The following GMNN variants were observed in gnomAD, a reference collection of about 807,000 sequenced individuals.
GMNN encodes geminin.
A neutral mutation model predicts 20.9 loss-of-function variants in GMNN; 14 were observed. The observed-to-expected ratio is 0.67, with a 90% CI of 0.44 to 1.05. The LOEUF is 1.05. GMNN is among the 50% of genes least tolerant of loss of function. The pLI, the probability that GMNN is intolerant of heterozygous loss-of-function variation, is 0.00. For synonymous variants in GMNN, 81 were observed against 85.8 expected (o/e 0.94, Z 0.31); for missense variants, 227 against 243.8 (o/e 0.93, Z 0.46).
At chr6:24,784,790 T>C (rs377450505) in intron 6 of GMNN, among the ~76,000 whole-genome samples, 1 of 152,268 alleles carries the variant, frequency 6.6e-6, no homozygotes, top group South Asian at 2.1e-4. Context: ...AGACTTGTTA[T>C]GAGAATTAAA....
chr6:24,780,630 G>A, intron 2 of GMNN, 33 bp from the exon 3 acceptor site: 1 of 1,201,140 alleles, frequency 8.3e-7, no homozygotes, highest in Non-Finnish European at 1.2e-6. Flanking sequence ...TTGCAACTCA[G>A]TAACAAGATA....
At position 24,781,588 on chromosome 6, in the gene GMNN, G is replaced by A; in HGVS notation, c.241G>A (p.Val81Ile). 6.5e-7 allele frequency: 1 copy of A among 1,545,336 alleles called. No homozygotes were observed. The highest frequency in any genetic ancestry group is 8.8e-7 in the Non-Finnish European group (1 of 1,131,726). Reference protein sequence around the residue: ...ESSENKNLGGVTQESFDLMIK... With the variant: ...ESSENKNLGGITQESFDLMIK... ...TAGTGAAAATAAAAATCTTGGAGGA[G>A]TCACCCAGGAGTCATTTGATCTTAT... The change falls in exon 4 of 7, where the codon GTC becomes ATC. Residue 81 changes from valine to isoleucine, a missense_variant. Val to Ile is a conservative substitution (Grantham distance 29). Transcript: ENST00000230056.
chr6:24,785,621 G>GTAAAATTCA lies in GMNN; in HGVS notation c.469-17_469-16insTAAAATTCA. The GTAAAATTCA allele has an allele frequency of 7.6e-7, 1 of 1,308,730 alleles. No homozygotes were observed. The highest frequency in any genetic ancestry group is 1.1e-6 in the Non-Finnish European group (1 of 926,088). 81.1% of individuals were successfully genotyped at this position (1,308,730 alleles called of 1,614,324 possible). A position where few individuals can be genotyped will look rare whatever the true frequency, so the allele number is the denominator to read the frequency against. Reference sequence around the variant, plus strand: ...TTTAACATTTTTACAATAAATTATTGGTTTATTCTTTAAAAGAGACTGAAT... The same window carrying GTAAAATTCA: ...TTTAACATTTTTACAATAAATTATTGTAAAATTCAGTTTATTCTTTAAAAGAGACTGAAT... On this transcript the variant is annotated splice_polypyrimidine_tract_variant and intron_variant, in intron 6 of 6. Transcript: ENST00000230056.
chr6:24,781,659 TTATGA>T (rs1416133045), intron 4 of GMNN, 38 bp downstream of exon 4: 3 of 1,063,698 alleles, frequency 2.8e-6, no homozygotes, highest in Non-Finnish European at 2.6e-6. Flanking sequence ...TAATTTTAAA[TTATGA>T]TATAAGGAAA....
chr6:24,778,298 A>G (rs1383764909), intron 2 of GMNN, among the ~76,000 whole-genome samples: 1 of 152,106 alleles, frequency 6.6e-6, no homozygotes, highest in Admixed American at 6.6e-5. Context: ...TGAGCTCTGG[A>G]CTTTGAGAAC....
intron 1 of GMNN, chr6:24,775,553 C>T (rs1022370893): frequency 3.9e-5 from 6 of 152,228 alleles, no homozygotes; most frequent in Non-Finnish European, 7.3e-5. Flanking sequence ...GCGAAGCATC[C>T]ATCCTCTTGG....
chr6:24,781,540 C>T lies in GMNN; in HGVS notation c.193C>T (p.Pro65Ser). Residue 65 changes from proline (P) to serine (S), a missense_variant, in exon 4 of 7, where the codon CCT (proline) becomes TCT (serine). By Grantham distance (74) the Pro-to-Ser change is moderately conservative. Transcript: ENST00000230056. Reference sequence around the variant, plus strand: ...CCACTTAACATCTACAACTTCCAGCCCTGGGGTTATTGTCCCAGAATCTAG... The same window carrying T: ...CCACTTAACATCTACAACTTCCAGCTCTGGGGTTATTGTCCCAGAATCTAG... The part of the protein sequence containing the change: ...NDHLTSTTSS[P>S]GVIVPESSEN... 3 of 1,581,306 alleles carry T rather than the reference C, an allele frequency of 1.9e-6. No homozygotes were observed. Among genetic ancestry groups the T allele is most frequent in the South Asian group, 1.1e-5 (1 of 88,038 alleles).
At chr6:24,779,417 AT>A (rs1443239424) in intron 2 of GMNN, among the ~76,000 whole-genome samples, 1 of 152,154 alleles carries the variant, frequency 6.6e-6, no homozygotes, top group Non-Finnish European at 1.5e-5. Flanking sequence ...AACAGAAAGC[AT>A]TTAAATAACA....
rs1780223683 is a variant in GMNN at position 24,781,601 on chromosome 6, C to T, written c.254C>T (p.Ser85Leu). The T allele has an allele frequency of 1.3e-6, 2 of 1,491,906 alleles. No individual in the cohort carries two copies. Among genetic ancestry groups the T allele is most frequent in the African/African-American group, 1.4e-5 (1 of 70,238 alleles). 92.4% of individuals were successfully genotyped at this position (1,491,906 alleles called of 1,614,324 possible). The change falls in exon 4 of 7, where the codon TCA becomes TTA. Residue 85 changes from serine to leucine, a missense_variant. Ser to Leu is a moderately radical substitution (Grantham distance 145). Transcript: ENST00000230056. Reference protein sequence around the residue: ...NKNLGGVTQESFDLMIKENPS... With the variant: ...NKNLGGVTQELFDLMIKENPS... ...AATCTTGGAGGAGTCACCCAGGAGT[C>T]ATTTGATCTTATGATTAAAGGTATG...
intron 1 of GMNN, chr6:24,775,788 A>C (rs1416140632): frequency 6.6e-6 from 1 of 152,266 alleles, no homozygotes; most frequent in Non-Finnish European, 1.5e-5. Context: ...GTGAAGGATT[A>C]GAATGCTAAG....
rs763243933 is a variant in GMNN, at chr6:24,785,794, A to G, written c.625A>G (p.Ile209Val). The change falls in exon 7 of 7, where the codon ATA becomes GTA. Residue 209 changes from isoleucine (I) to valine (V), a missense_variant. Transcript: ENST00000230056. ...VSSSTDAKPC[I>V] is the part of the protein sequence containing the mutation. ...TTCCTCTACGGATGCAAAGCCATGT[A>G]TATGAAATGCATTAATATTTGACTG... 1.3e-6 allele frequency: 2 copies of G among 1,564,028 alleles called. No individual in the cohort carries two copies. The highest frequency in any genetic ancestry group is 1.7e-6 in the Non-Finnish European group (2 of 1,153,434).
intron 2 of GMNN, among the ~76,000 whole-genome samples, chr6:24,778,221 C>T (rs1466331338): frequency 1.3e-5 from 2 of 152,148 alleles, no homozygotes; most frequent in Non-Finnish European, 2.9e-5. Context: ...AAATAAAGAG[C>T]CAGGTGCCCA....
At position 24,784,177 on chromosome 6, in the gene GMNN, T is replaced by C; in HGVS notation, c.357+8T>C. The C allele has an allele frequency of 1.5e-6, 2 of 1,338,254 alleles. No individual in the cohort carries two copies. The highest frequency in any genetic ancestry group is 2.1e-6 in the Non-Finnish European group (2 of 935,262). 82.9% of individuals were successfully genotyped at this position (1,338,254 alleles called of 1,614,324 possible). ...CTTAAGGAAAATGAGAAAGTATGTATTGAGTATAATTTGTACCATTTTTAA... is the reference window on the plus strand; with the variant it reads ...CTTAAGGAAAATGAGAAAGTATGTACTGAGTATAATTTGTACCATTTTTAA... On this transcript the variant is annotated splice_region_variant and intron_variant, in intron 5 of 6. Transcript: ENST00000230056.
intron 4 of GMNN, 152 bp downstream of exon 4, chr6:24,781,773 G>A: frequency 2.2e-6 from 1 of 449,064 alleles, no homozygotes; most frequent in Middle Eastern, 6.1e-4. Context: ...TGTTTGACAA[G>A]ATCCATGTGT....
chr6:24,785,643 G>A lies in GMNN; in HGVS notation c.474G>A (p.Leu158=). The A allele has an allele frequency of 6.8e-7, 1 of 1,476,630 alleles. No individual in the cohort carries two copies. Among genetic ancestry groups the A allele is most frequent in the South Asian group, 1.2e-5 (1 of 83,086 alleles). The allele number at this position is 1,476,630 out of a possible 1,614,324, so 91.5% of individuals were successfully genotyped here. ...ATTGGTTTATTCTTTAAAAGAGACT[G>A]AATGGTGAACCTCTGGATAATTTTG... ...VQYMAELIER[L]NGEPLDNFES... is the part of the protein sequence containing the mutation. Residue 158 remains leucine, a synonymous_variant, in exon 7 of 7, where the codon CTG becomes CTA. Transcript: ENST00000230056.
At chr6:24,782,782 G>A (rs762356151) in intron 4 of GMNN, among the ~76,000 whole-genome samples, 7 of 151,556 alleles carry the variant, frequency 4.6e-5, no homozygotes, top group African/African-American at 1.5e-4. Context: ...AACCCTCTGC[G>A]ATACATGGTA....
At position 24,777,235 on chromosome 6, in the gene GMNN, A is replaced by G; in HGVS notation, c.-12A>G. ...TTTAATTACTAGTCTTCTGTGCTTCACCATCTACATAATGAATCCCAGTAT... is the reference window on the plus strand; with the variant it reads ...TTTAATTACTAGTCTTCTGTGCTTCGCCATCTACATAATGAATCCCAGTAT... On this transcript the variant is annotated 5_prime_UTR_variant, in exon 2 of 7. Transcript: ENST00000230056. 2.2e-6 allele frequency: 3 copies of G among 1,339,396 alleles called. No individual in the cohort carries two copies. Among genetic ancestry groups the G allele is most frequent in the East Asian group, 2.5e-5 (1 of 39,656 alleles). The allele number at this position is 1,339,396 out of a possible 1,614,324, so 83.0% of individuals were successfully genotyped here.
At chr6:24,780,892 G>GT (rs1780195166) in intron 3 of GMNN, 152 bp downstream of exon 3, 2 of 593,816 alleles carry the variant, frequency 3.4e-6, no homozygotes, top group Non-Finnish European at 6.1e-6. Flanking sequence ...AAGTGATTTT[G>GT]GTTTTAATTG....
chr6:24,780,627 T>G (rs773683377), intron 2 of GMNN, 36 bp from the exon 3 acceptor site: 1 of 1,146,108 alleles, frequency 8.7e-7, no homozygotes, highest in South Asian at 1.2e-5. Flanking sequence ...ATATTGCAAC[T>G]CAGTAACAAG....
Sources: allele counts gnomAD v4.1 joint callset (sites outside exome capture counted in the v4.1 genomes callset), GRCh38; gene constraint gnomAD v4.1.1; transcripts MANE v1.5; gene names NCBI Gene and HGNC (gene_info 2026-07-23, HGNC 2026-07-21).